The following KIF26B variants were observed in gnomAD, a reference collection of about 807,000 sequenced individuals.
The protein encoded by KIF26B is kinesin-like protein KIF26B.
In KIF26B, 63 loss-of-function variants were observed where a neutral mutation model predicts 151.2. The ratio of observed to expected loss-of-function variants is 0.42; its 90% CI spans 0.34 to 0.51. KIF26B has a LOEUF of 0.51. KIF26B is among the 20% of genes least tolerant of loss of function. The probability of loss-of-function intolerance (pLI) is 0.07; values close to 1 mark genes in which losing one functional copy is unlikely to be tolerated. For synonymous variants in KIF26B, 1,357 were observed against 1,262.1 expected, an observed-to-expected ratio of 1.08 and a Z score of -1.59; for missense variants, 2,813 against 2,913.6, an observed-to-expected ratio of 0.97 and a Z score of 0.79.
intron 2 of KIF26B, among the ~76,000 whole-genome samples, chr1:245,294,691 G>T (rs4658745): frequency 6.6e-6 from 1 of 151,696 alleles, no homozygotes; most frequent in East Asian, 1.9e-4. Context: ...ACAGAGTCCC[G>T]CTCTGTTACC....
intron 5 of KIF26B, among the ~76,000 whole-genome samples, chr1:245,565,619 A>G (rs1490499579): frequency 6.6e-6 from 1 of 152,086 alleles, no homozygotes; most frequent in Non-Finnish European, 1.5e-5. Context: ...TCATTTGTAC[A>G]GTGTTGCTTG....
intron 2 of KIF26B, among the ~76,000 whole-genome samples, chr1:245,313,208 C>T (rs1032542021): frequency 6.6e-6 from 1 of 152,148 alleles, no homozygotes; most frequent in African/African-American, 2.4e-5. Context: ...TGACACTGCA[C>T]CTGCCTGCAT....
At chr1:245,361,069 T>G (rs986715805) in intron 2 of KIF26B, among the ~76,000 whole-genome samples, 3 of 152,232 alleles carry the variant, frequency 2.0e-5, no homozygotes, top group Non-Finnish European at 4.4e-5. Flanking sequence ...GAGTCATTTA[T>G]GAACTGTTCT....
Position 245,423,832 on chromosome 1 carries a change from A to G in KIF26B, c.1166+4087A>G, listed in dbSNP as rs190376923. Among the ~76,000 whole-genome samples the G allele has an allele frequency of 2.6e-3, 393 of 152,116 alleles. 3 individuals carry two copies. Among genetic ancestry groups the G allele is most frequent in the Middle Eastern group, 0.02 (6 of 294 alleles). On this transcript the variant is annotated intron_variant, in intron 4 of 14. Coordinates refer to ENST00000407071, the MANE Select transcript of KIF26B (RefSeq NM_018012.4). ...ATTAACCTTTATTTAAAATGTATTT[A>G]TTTTTATTTTAAAATCTTTTTTTTG...
At chr1:245,390,484 T>C (rs1236344807) in intron 3 of KIF26B, among the ~76,000 whole-genome samples, 1 of 152,110 alleles carries the variant, frequency 6.6e-6, no homozygotes, top group East Asian at 1.9e-4. Flanking sequence ...ATTACAGGTG[T>C]GAGTCACTGC....
intron 5 of KIF26B, among the ~76,000 whole-genome samples, chr1:245,596,345 T>G (rs1183433631): frequency 1.3e-5 from 2 of 152,220 alleles, no homozygotes; most frequent in Non-Finnish European, 2.9e-5. Context: ...TCCCAGAGAT[T>G]CTGGTATGTT....
In KIF26B at chr1:245,688,226, C is replaced by T. The variant is rs771415929; in HGVS notation, c.5243C>T (p.Pro1748Leu). The T allele has an allele frequency of 6.3e-6, 10 of 1,587,666 alleles. No individual in the cohort carries two copies. The highest frequency in any genetic ancestry group is 5.1e-5 in the Admixed American group (3 of 59,134). ...CTGGCCAGCCCCAGAGCGCGCGGCC[C>T]GTCCGCCTCCACCACCAAAACCCTC... Reference protein sequence around the residue: ...LLLASPRARGPSASTTKTLSF... With the variant: ...LLLASPRARGLSASTTKTLSF... Residue 1748 changes from proline to leucine, a missense_variant, in exon 12 of 15, where the codon CCG becomes CTG. Around this residue, in one of 3 missense-constraint regions of KIF26B, gnomAD observed 2,060 missense variants for 2,088.6 expected, o/e 0.99. Transcript: ENST00000407071.
intron 2 of KIF26B, among the ~76,000 whole-genome samples, chr1:245,274,231 T>C (rs1670901018): frequency 6.6e-6 from 1 of 152,204 alleles, no homozygotes; most frequent in Non-Finnish European, 1.5e-5. Context: ...ACTTTTGTCT[T>C]TTTTTAATTA....
chr1:245,596,691 T>C (rs1558230011), intron 5 of KIF26B, among the ~76,000 whole-genome samples: 1 of 152,214 alleles, frequency 6.6e-6, no homozygotes, highest in Non-Finnish European at 1.5e-5. Context: ...CTGAATATCC[T>C]TATTAATTTT....
chr1:245,307,123 A>G lies in KIF26B; in HGVS notation c.466-59711A>G, dbSNP rs567475339. On this transcript the variant is annotated intron_variant, in intron 2 of 14. Coordinates refer to ENST00000407071, the MANE Select transcript of KIF26B (RefSeq NM_018012.4). ...CTGGTAACTATTCAAATTAGTGTCAATTAACTTTTGGCTGCACTCTTAAGA... is the reference window on the plus strand; with the variant it reads ...CTGGTAACTATTCAAATTAGTGTCAGTTAACTTTTGGCTGCACTCTTAAGA... 1.6e-3 allele frequency among the ~76,000 whole-genome samples: 238 copies of G among 152,338 alleles called. 7 individuals carry two copies. The highest frequency in any genetic ancestry group is 3.7e-3 in the South Asian group (18 of 4,832).
At chr1:245,444,209 G>T (rs1054956263) in intron 4 of KIF26B, among the ~76,000 whole-genome samples, 2 of 111,110 alleles carry the variant, frequency 1.8e-5, no homozygotes, top group Non-Finnish European at 3.7e-5. Context: ...ACCTAGAGGA[G>T]AGGTCATCTC....
chr1:245,503,714 C>T (rs1212772715), intron 4 of KIF26B, among the ~76,000 whole-genome samples: 2 of 152,070 alleles, frequency 1.3e-5, no homozygotes, highest in South Asian at 4.2e-4. Flanking sequence ...TTGGAAGCAC[C>T]GGCTGGACCA....
rs113566039 is a variant in KIF26B at position 245,631,488 on chromosome 1, T to G, written c.2099-14633T>G. Among the ~76,000 whole-genome samples, 1,379 of 152,246 alleles carry G rather than the reference T, an allele frequency of 9.1e-3. 16 individuals carry two copies. The highest frequency in any genetic ancestry group is 0.032 in the African/African-American group (1,312 of 41,552). ...TAGGATAAATCCCACTTGATTATGG[T>G]GTATTATGTTATTGGTGTGTTGTTA... On this transcript the variant is annotated intron_variant, in intron 9 of 14. Coordinates refer to ENST00000407071, the MANE Select transcript of KIF26B (RefSeq NM_018012.4).
At chr1:245,511,332 G>A (rs184281900) in intron 4 of KIF26B, among the ~76,000 whole-genome samples, 3 of 152,286 alleles carry the variant, frequency 2.0e-5, no homozygotes, top group Admixed American at 6.5e-5. Context: ...TATCAGAAGA[G>A]ACACACAAAC....
chr1:245,405,935 G>A lies in KIF26B; in HGVS notation c.1000-13644G>A, dbSNP rs115362985. Reference sequence around the variant, plus strand: ...ATCAGCTGACTCTGAAACAATTCTTGTTCACCAATGACAGTTTGGGAATTT... The same window carrying A: ...ATCAGCTGACTCTGAAACAATTCTTATTCACCAATGACAGTTTGGGAATTT... On this transcript the variant is annotated intron_variant, in intron 3 of 14. Coordinates refer to ENST00000407071, the MANE Select transcript of KIF26B (RefSeq NM_018012.4). 9.2e-5 allele frequency among the ~76,000 whole-genome samples: 14 copies of A among 152,278 alleles called. No homozygotes were observed. In the Middle Eastern group the frequency reaches 0.014, roughly 148 times the overall value.
rs563449414 is a variant in KIF26B at position 245,486,782 on chromosome 1, C to T, written c.1167-53985C>T. On this transcript the variant is annotated intron_variant, in intron 4 of 14. Transcript: ENST00000407071. ...GCCTCCCAGGCTCAAGCCATCCTCT[C>T]GCCTCAGTCTCCCAAGTAGCTGGAA... Among the ~76,000 whole-genome samples, 46 of 152,298 alleles carry T rather than the reference C, an allele frequency of 3.0e-4. No homozygotes were observed. The South Asian group carries it at 8.3e-3, about 27-fold the overall frequency.
intron 2 of KIF26B, among the ~76,000 whole-genome samples, chr1:245,277,462 G>A (rs140675692): frequency 2.0e-4 from 30 of 152,294 alleles, no homozygotes; most frequent in African/African-American, 6.7e-4. Flanking sequence ...CTTCCTGAAG[G>A]TGCTCTTGGT....
At chr1:245,465,985 G>A (rs919157502) in intron 4 of KIF26B, among the ~76,000 whole-genome samples, 1 of 152,248 alleles carries the variant, frequency 6.6e-6, no homozygotes, top group African/African-American at 2.4e-5. Context: ...AGAGTAGAGA[G>A]ATTGAAGAGT....
intron 2 of KIF26B, among the ~76,000 whole-genome samples, chr1:245,182,209 G>GC (rs1313943715): frequency 6.6e-6 from 1 of 152,112 alleles, no homozygotes; most frequent in Non-Finnish European, 1.5e-5. Context: ...CAAGGAAATG[G>GC]CCCATTATCA....
Sources: gnomAD v4.1 joint callset for allele counts (sites outside exome capture counted in the v4.1 genomes callset) on GRCh38, gnomAD v4.1.1 for gene constraint, gnomAD v4.1.1 regional missense constraint, MANE v1.5 for transcripts, NCBI Gene and HGNC (gene_info 2026-07-23, HGNC 2026-07-21) for gene names.